SYNE2: variants seen among roughly 807,000 people sequenced by gnomAD.
SYNE2 encodes nesprin-2.
In SYNE2, 431 loss-of-function variants were observed where a neutral mutation model predicts 856.3. The ratio of observed to expected loss-of-function variants is 0.50; its 90% CI spans 0.47 to 0.55. The LOEUF is 0.55. SYNE2 is among the 20% of genes least tolerant of loss of function. The pLI is 0.00. For synonymous variants in SYNE2, 2,923 were observed against 2,872.3 expected (o/e 1.02, Z -0.56); for missense variants, 8,129 against 8,023.2 (o/e 1.01, Z -0.50).
At chr14:64,112,984 C>T in intron 65 of SYNE2, 2 of 984,788 alleles carry the variant, frequency 2.0e-6, no homozygotes, top group Non-Finnish European at 2.4e-6. Context: ...AATCATGTGT[C>T]ACGTAACGCT....
intron 31 of SYNE2, among the ~76,000 whole-genome samples, chr14:64,008,405 C>G (rs551355102): frequency 4.0e-4 from 61 of 152,328 alleles, no homozygotes; most frequent in Middle Eastern, 6.8e-3. Context: ...CCACACGCCC[C>G]TACCTGAATG....
At chr14:64,026,247 G>A (rs970954291) in intron 41 of SYNE2, among the ~76,000 whole-genome samples, 3 of 152,188 alleles carry the variant, frequency 2.0e-5, no homozygotes, top group Non-Finnish European at 4.4e-5. Flanking sequence ...TTATAAAAAT[G>A]TCTTGTCAGA....
chr14:63,985,617 T>A lies in SYNE2; in HGVS notation c.2152-839T>A, dbSNP rs1197760744. 2.0e-5 allele frequency among the ~76,000 whole-genome samples: 3 copies of A among 152,184 alleles called. No homozygotes were observed. In the East Asian group the frequency reaches 5.8e-4, roughly 29 times the overall value. On this transcript the variant is annotated intron_variant, in intron 18 of 115. Transcript: ENST00000555002. Reference sequence around the variant, plus strand: ...TTTACTAAACTTTAATCTTCTTACATGTAAAATGTATAAAATATTATCTGA... The same window carrying A: ...TTTACTAAACTTTAATCTTCTTACAAGTAAAATGTATAAAATATTATCTGA...
chr14:64,157,870 A>C lies in SYNE2; in HGVS notation c.15793-755A>C, dbSNP rs142545865. 2.3e-3 allele frequency among the ~76,000 whole-genome samples: 345 copies of C among 152,294 alleles called. 2 individuals are homozygous for C. Among genetic ancestry groups the C allele is most frequent in the African/African-American group, 7.9e-3 (328 of 41,568 alleles). On this transcript the variant is annotated intron_variant, in intron 85 of 115. Transcript: ENST00000555002. ...TTTTCATATGTTTATTGACCATTAT[A>C]TATGTTCTTTGGGGAAATGTTTAGT...
chr14:63,790,109 A>G (rs772197145), intron 1 of SYNE2, among the ~76,000 whole-genome samples: 2 of 152,162 alleles, frequency 1.3e-5, no homozygotes, highest in Non-Finnish European at 2.9e-5. Context: ...AGGTGGGCCA[A>G]TTAATTGAGC....
chr14:64,015,037 GTATA>G (rs1567056349), intron 32 of SYNE2, among the ~76,000 whole-genome samples: 2 of 109,066 alleles, frequency 1.8e-5, no homozygotes, highest in African/African-American at 3.8e-5. Context: ...AAATATATAT[GTATA>G]TATGTATATA....
At chr14:63,999,129 G>A (rs2096734920) in intron 27 of SYNE2, 89 bp downstream of exon 27, 1 of 1,254,374 alleles carries the variant, frequency 8.0e-7, no homozygotes. Context: ...TTCTGTTGAG[G>A]TCACATATGC....
intron 45 of SYNE2, chr14:64,034,693 G>C (rs1299256819): frequency 2.3e-6 from 1 of 437,618 alleles, no homozygotes; most frequent in East Asian, 3.3e-5. Context: ...CAGTATGACA[G>C]GTATTTGTGC....
intron 58 of SYNE2, 53 bp from the exon 59 acceptor site, chr14:64,089,521 A>T: frequency 6.5e-7 from 1 of 1,548,700 alleles, no homozygotes; most frequent in South Asian, 1.2e-5. Context: ...ACTGTTTTAT[A>T]GATGATTAAT....
chr14:64,125,156 C>T lies in SYNE2; in HGVS notation c.13500C>T (p.Thr4500=). 1 of 1,614,112 alleles carries T rather than the reference C, an allele frequency of 6.2e-7. No homozygotes were observed. Among genetic ancestry groups the T allele is most frequent in the East Asian group, 2.2e-5 (1 of 44,862 alleles). ...ACCCAACAACTGAAGAACTGAAAAC[C>T]TATACCACCCAACTTGAAGACCTGC... is the stretch of plus-strand genomic sequence containing the variant. ...FRYPTTEELK[T]YTTQLEDLRQ... The change falls in exon 71 of 116, where the codon ACC becomes ACT. Residue 4500 remains threonine, a synonymous_variant. Transcript: ENST00000555002.
At position 64,024,942 on chromosome 14, in the gene SYNE2, G is replaced by A. The variant is rs774898276; in HGVS notation, c.5871G>A (p.Lys1957=). 7 of 1,613,894 alleles carry A rather than the reference G, an allele frequency of 4.3e-6. No homozygotes were observed. Among genetic ancestry groups the A allele is most frequent in the Non-Finnish European group, 5.9e-6 (7 of 1,179,926 alleles). Reference sequence around the variant, plus strand: ...AGGATGACCATAGAAACCTGAGGAAGTGGTTGACTAATCAAGAAGAGAAAT... The same window carrying A: ...AGGATGACCATAGAAACCTGAGGAAATGGTTGACTAATCAAGAAGAGAAAT... ...RLQDDHRNLR[K]WLTNQEEKWK... Residue 1957 remains lysine (K), a synonymous_variant, in exon 40 of 116, where the codon AAG becomes AAA. Transcript: ENST00000555002.
In SYNE2 at chr14:64,081,559, TCACCATGCTAG is replaced by T. The variant is rs747315463; in HGVS notation, c.11467_11477del (p.His3823CysfsTer30). ...ACTATGACTCTTTGAGGACACTGAG[TCACCATGCTAG>T]CACTGTGCAGGTAAGTGTTCTTCCA... On this transcript the variant is annotated frameshift_variant, in exon 57 of 116. Coordinates refer to ENST00000555002, the MANE Select transcript of SYNE2 (RefSeq NM_182914.3). LOFTEE classifies it high-confidence loss of function. 6 of 1,614,020 alleles carry T rather than the reference TCACCATGCTAG, an allele frequency of 3.7e-6. No homozygotes were observed. The highest frequency in any genetic ancestry group is 8.5e-7 in the Non-Finnish European group (1 of 1,180,034).
At chr14:63,842,086 A>G (rs762051849) in intron 1 of SYNE2, among the ~76,000 whole-genome samples, 29 of 151,612 alleles carry the variant, frequency 1.9e-4, no homozygotes, top group Admixed American at 1.6e-3. Flanking sequence ...CGCTTGCCTC[A>G]GCCTCCCAAA....
intron 23 of SYNE2, among the ~76,000 whole-genome samples, chr14:63,995,993 T>A (rs944799441): frequency 2.5e-4 from 38 of 152,192 alleles, no homozygotes; most frequent in Admixed American, 5.2e-4. Flanking sequence ...AGTGCGTCAA[T>A]TTTTCTCTCC....
At chr14:64,101,885 A>T in intron 63 of SYNE2, 47 bp from the exon 64 acceptor site, 1 of 1,418,900 alleles carries the variant, frequency 7.0e-7, no homozygotes, top group Non-Finnish European at 1.0e-6. Context: ...CGGTTATGAC[A>T]GTAAGGGAAG....
chr14:63,905,218 A>G (rs896076161), intron 1 of SYNE2, among the ~76,000 whole-genome samples: 2 of 152,158 alleles, frequency 1.3e-5, no homozygotes. Context: ...GTAGCCATAG[A>G]GTATATTTTG....
At chr14:63,961,147 A>G (rs950761944) in intron 8 of SYNE2, among the ~76,000 whole-genome samples, 2 of 152,240 alleles carry the variant, frequency 1.3e-5, no homozygotes, top group Non-Finnish European at 2.9e-5. Context: ...TAATTGCTGT[A>G]TGTTCCTGCA....
Position 64,137,563 on chromosome 14 carries a change from A to G in SYNE2, c.14647-224A>G, listed in dbSNP as rs10142318. 0.25 allele frequency among the ~76,000 whole-genome samples: 37,376 copies of G among 152,080 alleles called. 7,701 individuals carry two copies. The highest frequency in any genetic ancestry group is 0.57 in the African/African-American group (23,526 of 41,434). On this transcript the variant is annotated intron_variant, in intron 78 of 115. Coordinates refer to ENST00000555002, the MANE Select transcript of SYNE2 (RefSeq NM_182914.3). ...ACTGCATCCAGCCAGTAAGTCTACA[A>G]AGTTGAATCTGTGCTCTAGAAATGC...
intron 54 of SYNE2, 60 bp from the exon 55 acceptor site, chr14:64,078,406 A>AC (rs1293829267): frequency 6.2e-6 from 10 of 1,606,908 alleles, no homozygotes; most frequent in Non-Finnish European, 8.5e-6. Flanking sequence ...TGTTGTTCGA[A>AC]CCTATGAATA....
Sources: allele counts gnomAD v4.1 joint callset (sites outside exome capture counted in the v4.1 genomes callset), GRCh38; gene constraint gnomAD v4.1.1; transcripts MANE v1.5; gene names NCBI Gene and HGNC (gene_info 2026-07-23, HGNC 2026-07-21).